The following CTNNA2 variants were observed in gnomAD, a reference collection of about 807,000 sequenced individuals.
CTNNA2 encodes catenin alpha 2, also known as catenin alpha-2.
Under a neutral mutation model 101.0 loss-of-function variants are expected in CTNNA2, and 42 were observed. The ratio of observed to expected loss-of-function variants is 0.42; its 90% CI spans 0.32 to 0.54. CTNNA2 has a LOEUF of 0.54. Among genes scored for constraint, CTNNA2 ranks in the 20% least tolerant of loss-of-function variants. The pLI, the probability that CTNNA2 is intolerant of heterozygous loss-of-function variation, is 0.14. For missense variants in CTNNA2, 871 were observed against 1,223.1 expected (o/e 0.71, Z 4.29); for synonymous variants, 450 against 456.4 (o/e 0.99, Z 0.18).
At chr2:80,560,639 G>T (rs1573270582) in intron 12 of CTNNA2, among the ~76,000 whole-genome samples, 1 of 152,248 alleles carries the variant, frequency 6.6e-6, no homozygotes, top group East Asian at 1.9e-4. Flanking sequence ...ACATATCCAT[G>T]CTGCTCCCTC....
rs577826067 is a variant in CTNNA2 at position 80,175,417 on chromosome 2, G to A, written c.1057-217794G>A. ...AATTCCTCACTATTGTATTCTCAGTGTCTAGCCCAATGCCTTTTATTTAGG... is the reference window on the plus strand; with the variant it reads ...AATTCCTCACTATTGTATTCTCAGTATCTAGCCCAATGCCTTTTATTTAGG... On this transcript the variant is annotated intron_variant, in intron 7 of 18. Coordinates refer to ENST00000402739, the MANE Select transcript of CTNNA2 (RefSeq NM_001282597.3). 5.6e-4 allele frequency among the ~76,000 whole-genome samples: 85 copies of A among 152,262 alleles called. No individual in the cohort carries two copies. In the South Asian group the frequency reaches 0.017, roughly 30 times the overall value.
At chr2:79,977,162 A>T (rs482483) in intron 7 of CTNNA2, among the ~76,000 whole-genome samples, 89,753 of 151,508 alleles carry the variant, frequency 0.59, 29,976 homozygotes, top group Non-Finnish European at 0.77. Flanking sequence ...TATGTGAATC[A>T]ATAAATGCAT....
At chr2:79,212,876 C>T (rs911146172) in intron 2 of CTNNA2, among the ~76,000 whole-genome samples, 8 of 152,084 alleles carry the variant, frequency 5.3e-5, no homozygotes, top group African/African-American at 1.9e-4. Flanking sequence ...CCTGAATAAT[C>T]CCTGAGGAGT....
chr2:80,110,409 G>C (rs1701143342), intron 7 of CTNNA2, among the ~76,000 whole-genome samples: 1 of 152,120 alleles, frequency 6.6e-6, no homozygotes, highest in South Asian at 2.1e-4. Context: ...GCATTGATTT[G>C]AACTCCAATC....
chr2:79,792,251 C>T (rs550505573), intron 3 of CTNNA2, among the ~76,000 whole-genome samples: 1 of 152,238 alleles, frequency 6.6e-6, no homozygotes, highest in Non-Finnish European at 1.5e-5. Context: ...TTGTACCTGA[C>T]TAGCTTTTCA....
chr2:80,110,270 A>T (rs1050752648), intron 7 of CTNNA2, among the ~76,000 whole-genome samples: 4 of 152,232 alleles, frequency 2.6e-5, no homozygotes, highest in Non-Finnish European at 4.4e-5. Flanking sequence ...TTAGGTTTCC[A>T]GAAACTGGGC....
At chr2:79,869,422 C>G (rs570139243) in intron 4 of CTNNA2, among the ~76,000 whole-genome samples, 1 of 152,134 alleles carries the variant, frequency 6.6e-6, no homozygotes, top group African/African-American at 2.4e-5. Context: ...AGGAATTTCT[C>G]CAGTCTTTTG....
chr2:80,522,057 A>G (rs951352205), intron 9 of CTNNA2, among the ~76,000 whole-genome samples: 1 of 152,190 alleles, frequency 6.6e-6, no homozygotes, highest in Non-Finnish European at 1.5e-5. Flanking sequence ...TTATCTGTCC[A>G]TATTTCTTTC....
At chr2:79,551,114 G>A (rs1674073080) in intron 1 of CTNNA2, among the ~76,000 whole-genome samples, 2 of 152,122 alleles carry the variant, frequency 1.3e-5, no homozygotes, top group South Asian at 4.1e-4. Context: ...CTATATAGCT[G>A]CTGCAAACCA....
chr2:79,251,815 A>T (rs1370902018), intron 2 of CTNNA2, among the ~76,000 whole-genome samples: 1 of 152,066 alleles, frequency 6.6e-6, no homozygotes, highest in Non-Finnish European at 1.5e-5. Flanking sequence ...GACCCACCTA[A>T]GCCATGACCT....
chr2:79,587,310 G>A (rs142822783), intron 1 of CTNNA2, among the ~76,000 whole-genome samples: 357 of 152,126 alleles, frequency 2.3e-3, no homozygotes, highest in African/African-American at 8.2e-3. Context: ...AAGAAACCGT[G>A]GGCTGAGTTA....
intron 7 of CTNNA2, among the ~76,000 whole-genome samples, chr2:79,979,916 A>G (rs1239518376): frequency 6.6e-6 from 1 of 152,150 alleles, no homozygotes; most frequent in East Asian, 1.9e-4. Context: ...TGTTCATGGT[A>G]CTGAGACATT....
chr2:80,043,172 TC>T, intron 7 of CTNNA2, among the ~76,000 whole-genome samples: 1 of 104,644 alleles, frequency 9.6e-6, no homozygotes, highest in Non-Finnish European at 1.8e-5. Flanking sequence ...CTTCCTTCCT[TC>T]CTTCCTTCCT....
intron 7 of CTNNA2, among the ~76,000 whole-genome samples, chr2:80,041,648 G>C (rs752123636): frequency 1.3e-5 from 2 of 152,080 alleles, no homozygotes; most frequent in African/African-American, 4.8e-5. Context: ...TCCTGTCTTC[G>C]AAGAGGAATG....
chr2:79,328,402 T>C (rs1676795448), intron 3 of CTNNA2, among the ~76,000 whole-genome samples: 1 of 152,130 alleles, frequency 6.6e-6, no homozygotes, highest in East Asian at 1.9e-4. Flanking sequence ...ACTAAGATAT[T>C]CATAACAGAT....
At chr2:79,389,597 GT>G (rs1290309799) in intron 4 of CTNNA2, among the ~76,000 whole-genome samples, 2 of 152,154 alleles carry the variant, frequency 1.3e-5, no homozygotes, top group African/African-American at 4.8e-5. Context: ...TTCAATAGAA[GT>G]TTTGTATTCT....
At chr2:80,219,547 A>C (rs762572183) in intron 7 of CTNNA2, among the ~76,000 whole-genome samples, 3 of 152,154 alleles carry the variant, frequency 2.0e-5, no homozygotes, top group African/African-American at 4.8e-5. Flanking sequence ...TAAGATCTAG[A>C]ATACCAGTCT....
chr2:80,519,823 G>A (rs924260700), intron 9 of CTNNA2, among the ~76,000 whole-genome samples: 1 of 152,170 alleles, frequency 6.6e-6, no homozygotes, highest in African/African-American at 2.4e-5. Context: ...AGTCCTAAGA[G>A]GCTCAGCTGC....
intron 3 of CTNNA2, among the ~76,000 whole-genome samples, chr2:79,801,748 T>G (rs1334237880): frequency 6.6e-6 from 1 of 151,998 alleles, no homozygotes; most frequent in African/African-American, 2.4e-5. Flanking sequence ...TCCCAGCACT[T>G]TGGGAGGCCA....
Sources: allele counts gnomAD v4.1 joint callset (sites outside exome capture counted in the v4.1 genomes callset), GRCh38; gene constraint gnomAD v4.1.1; transcripts MANE v1.5; gene names NCBI Gene and HGNC (gene_info 2026-07-23, HGNC 2026-07-21).